Variants in ACCSL observed in about 807,000 individuals in gnomAD.
ACCSL encodes the protein probable inactive 1-aminocyclopropane-1-carboxylate synthase-like protein 2.
In ACCSL, 55 loss-of-function variants were observed where a neutral mutation model predicts 61.7. The ratio of observed to expected loss-of-function variants is 0.89; its 90% CI spans 0.72 to 1.12. The LOEUF (loss-of-function observed/expected upper bound fraction) is 1.12. Ranked by LOEUF, ACCSL falls within the 50% of genes most tolerant of loss-of-function variation. The pLI is 0.00. For synonymous variants in ACCSL, 258 were observed against 264.3 expected (o/e 0.98, Z 0.23); for missense variants, 632 against 698.0 (o/e 0.91, Z 1.07).
the ACCSL span, among the ~76,000 whole-genome samples, chr11:44,011,002 A>G: frequency 6.6e-6 from 1 of 152,224 alleles, no homozygotes; most frequent in African/African-American, 2.4e-5. Flanking sequence ...AAAATATTGC[A>G]TTGCATTTAG....
At chr11:44,054,822 C>T (rs928796040) in intron 8 of ACCSL, among the ~76,000 whole-genome samples, 2 of 152,140 alleles carry the variant, frequency 1.3e-5, no homozygotes. Flanking sequence ...GAATGAGGCA[C>T]ATAAGCAGTT....
the ACCSL span, among the ~76,000 whole-genome samples, chr11:44,020,291 C>CG: frequency 6.6e-6 from 1 of 151,728 alleles, no homozygotes; most frequent in Non-Finnish European, 1.5e-5. Context: ...AGTTTTACTC[C>CG]TTTTTTTTCC....
the ACCSL span, among the ~76,000 whole-genome samples, chr11:44,014,270 C>T: frequency 1.7e-3 from 264 of 152,230 alleles, 3 homozygotes; most frequent in East Asian, 0.028. Context: ...CACAGGAGGC[C>T]CCTTGAGGTC....
intron 8 of ACCSL, among the ~76,000 whole-genome samples, chr11:44,054,151 C>T (rs544040617): frequency 6.6e-6 from 1 of 152,266 alleles, no homozygotes; most frequent in Admixed American, 6.5e-5. Context: ...GCTGGAGTGC[C>T]GAGGAAGACA....
At chr11:44,041,900 G>C in the ACCSL span, among the ~76,000 whole-genome samples, 27 of 152,240 alleles carry the variant, frequency 1.8e-4, no homozygotes, top group African/African-American at 6.5e-4. Context: ...AATAAAGAAT[G>C]GGTGCTGAAT....
the ACCSL span, among the ~76,000 whole-genome samples, chr11:44,007,106 C>T: frequency 1.3e-5 from 2 of 152,244 alleles, no homozygotes; most frequent in Admixed American, 1.3e-4. Flanking sequence ...CAATTTTGCC[C>T]ATACAAGGCC....
At chr11:43,936,138 G>A in the ACCSL span, among the ~76,000 whole-genome samples, 1 of 152,198 alleles carries the variant, frequency 6.6e-6, no homozygotes, top group East Asian at 1.9e-4. Context: ...GTCCCCGAGG[G>A]CCACGTTTGG....
the ACCSL span, among the ~76,000 whole-genome samples, chr11:43,921,339 T>C: frequency 6.6e-6 from 1 of 152,166 alleles, no homozygotes; most frequent in South Asian, 2.1e-4. Context: ...GCTCCTGGCA[T>C]TGTAGTCCCC....
the ACCSL span, among the ~76,000 whole-genome samples, chr11:43,993,404 C>T: frequency 2.0e-5 from 3 of 152,110 alleles, no homozygotes; most frequent in East Asian, 3.9e-4. Flanking sequence ...TGTGGCTCCT[C>T]TTCCTTCTCC....
At chr11:44,007,050 G>C in the ACCSL span, among the ~76,000 whole-genome samples, 1 of 152,048 alleles carries the variant, frequency 6.6e-6, no homozygotes, top group Non-Finnish European at 1.5e-5. Context: ...ACCCCCGGGG[G>C]CCAAAAATAG....
the ACCSL span, among the ~76,000 whole-genome samples, chr11:44,033,759 G>GT: frequency 6.6e-6 from 1 of 151,668 alleles, no homozygotes; most frequent in African/African-American, 2.4e-5. Flanking sequence ...GGAAGACCTT[G>GT]TTTGGGGGGA....
the ACCSL span, among the ~76,000 whole-genome samples, chr11:43,982,260 C>G: frequency 1.7e-5 from 2 of 115,940 alleles, no homozygotes; most frequent in African/African-American, 6.3e-5. Context: ...GAGACTTAGT[C>G]TCTGTTGCCC....
chr11:43,930,832 C>A, the ACCSL span, among the ~76,000 whole-genome samples: 2 of 152,176 alleles, frequency 1.3e-5, no homozygotes, highest in African/African-American at 4.8e-5. Context: ...CATGCACACA[C>A]GCACACACAC....
chr11:44,047,782 G>A (rs752150277), upstream of ACCSL, among the ~76,000 whole-genome samples: 1 of 152,164 alleles, frequency 6.6e-6, no homozygotes, highest in Non-Finnish European at 1.5e-5. Flanking sequence ...ACATCCTAAT[G>A]CCATTTAAAT....
At chr11:43,945,559 T>C in the ACCSL span, 1 of 120,492 alleles carries the variant, frequency 8.3e-6, no homozygotes, top group African/African-American at 2.9e-5. Flanking sequence ...AAGAACCTCC[T>C]TCTCAGCCGG....
the ACCSL span, among the ~76,000 whole-genome samples, chr11:44,042,631 TTTTTTG>T: frequency 2.4e-5 from 1 of 41,506 alleles, no homozygotes; most frequent in African/African-American, 1.2e-4. Context: ...TGGTTGTTTT[TTTTTTG>T]TTTGTTTTGT....
chr11:43,921,792 T>A, the ACCSL span, among the ~76,000 whole-genome samples: 2 of 152,328 alleles, frequency 1.3e-5, no homozygotes, highest in East Asian at 3.9e-4. Context: ...CTGGGTTTCT[T>A]GGTCTGAGAG....
chr11:43,989,578 C>G, the ACCSL span, among the ~76,000 whole-genome samples: 1 of 152,236 alleles, frequency 6.6e-6, no homozygotes, highest in Non-Finnish European at 1.5e-5. Flanking sequence ...CCTTCCCTTC[C>G]TCGTGGTCTG....
the ACCSL span, among the ~76,000 whole-genome samples, chr11:43,994,800 AT>A: frequency 0.03 from 4,519 of 151,198 alleles, 78 homozygotes; most frequent in Middle Eastern, 0.048. Flanking sequence ...TGCCTGGCTA[AT>A]TTTTTTTTGT....
Sources: gnomAD v4.1 joint callset for allele counts (sites outside exome capture counted in the v4.1 genomes callset) on GRCh38, gnomAD v4.1.1 for gene constraint, MANE v1.5 for transcripts, NCBI Gene and HGNC (gene_info 2026-07-23, HGNC 2026-07-21) for gene names.